The following AKAP6 variants were observed in gnomAD, a reference collection of about 807,000 sequenced individuals.
The protein encoded by AKAP6 is A-kinase anchoring protein 6, also known as A-kinase anchor protein 6.
In AKAP6, 58 loss-of-function variants were observed where a neutral mutation model predicts 188.5. The ratio of observed to expected loss-of-function variants is 0.31; its 90% CI spans 0.25 to 0.38. The LOEUF (loss-of-function observed/expected upper bound fraction) is 0.38, where lower values mean the gene tolerates loss of function less well. AKAP6 is among the 10% of genes least tolerant of loss of function. The pLI, the probability that AKAP6 is intolerant of heterozygous loss-of-function variation, is 1.00. For missense variants in AKAP6, 2,710 were observed against 2,740.0 expected (o/e 0.99, Z 0.24); for synonymous variants, 989 against 998.6 (o/e 0.99, Z 0.18).
Position 32,654,066 on chromosome 14 carries a change from C to G in AKAP6, c.2731-24245C>G, listed in dbSNP as rs150301182. Among the ~76,000 whole-genome samples, 1,033 of 152,280 alleles carry G rather than the reference C, an allele frequency of 6.8e-3. 13 individuals are homozygous for G. The highest frequency in any genetic ancestry group is 0.024 in the African/African-American group (991 of 41,560). ...TTAAACTCTTAACTAATTGCTCAAA[C>G]TTAAAGTCATTATTTCAGATCTTTA... On this transcript the variant is annotated intron_variant, in intron 7 of 13. Coordinates refer to ENST00000280979, the MANE Select transcript of AKAP6 (RefSeq NM_004274.5).
At chr14:32,527,847 AT>A (rs1882210074) in intron 2 of AKAP6, among the ~76,000 whole-genome samples, 1 of 152,144 alleles carries the variant, frequency 6.6e-6, no homozygotes, top group African/African-American at 2.4e-5. Flanking sequence ...TATATTTTGA[AT>A]AATGATCCTT....
chr14:32,471,442 C>A (rs535698978), intron 2 of AKAP6, among the ~76,000 whole-genome samples: 3 of 152,318 alleles, frequency 2.0e-5, no homozygotes, highest in South Asian at 2.1e-4. Flanking sequence ...AAAGCAAGAT[C>A]ATAGTGCTAC....
At chr14:32,577,999 G>A (rs1001821206) in intron 5 of AKAP6, among the ~76,000 whole-genome samples, 2 of 152,118 alleles carry the variant, frequency 1.3e-5, no homozygotes, top group Non-Finnish European at 2.9e-5. Flanking sequence ...CAAGCTGTAA[G>A]GATCTCATCT....
At chr14:32,615,557 C>T (rs1886537746) in intron 7 of AKAP6, among the ~76,000 whole-genome samples, 1 of 149,824 alleles carries the variant, frequency 6.7e-6, no homozygotes, top group Admixed American at 6.6e-5. Context: ...CACAATACTT[C>T]CTTTTACATG....
chr14:32,781,364 G>C (rs1395372316), intron 12 of AKAP6, among the ~76,000 whole-genome samples: 1 of 142,544 alleles, frequency 7.0e-6, no homozygotes. Flanking sequence ...AAAAAAAAAA[G>C]AGAATATGAA....
chr14:32,378,073 A>T (rs1232943588), intron 1 of AKAP6, among the ~76,000 whole-genome samples: 1 of 152,210 alleles, frequency 6.6e-6, no homozygotes, highest in Non-Finnish European at 1.5e-5. Context: ...ATACTAAAAG[A>T]ACATTATGCT....
intron 2 of AKAP6, among the ~76,000 whole-genome samples, chr14:32,488,909 T>C (rs1879848399): frequency 1.3e-5 from 2 of 152,212 alleles, no homozygotes; most frequent in Admixed American, 1.3e-4. Flanking sequence ...TCACCCGCCT[T>C]CTGCGTTGGT....
intron 7 of AKAP6, among the ~76,000 whole-genome samples, chr14:32,667,060 T>C (rs902087978): frequency 4.6e-5 from 7 of 152,128 alleles, no homozygotes; most frequent in Admixed American, 4.6e-4. Flanking sequence ...TTTCAGAAAA[T>C]GCATGGAGAA....
At chr14:32,587,880 T>C (rs2139307686) in intron 5 of AKAP6, among the ~76,000 whole-genome samples, 1 of 152,210 alleles carries the variant, frequency 6.6e-6, no homozygotes, top group Non-Finnish European at 1.5e-5. Flanking sequence ...TGAAACCAGG[T>C]AACGTGATAT....
chr14:32,460,502 C>A (rs1891286283), intron 2 of AKAP6, among the ~76,000 whole-genome samples: 1 of 152,178 alleles, frequency 6.6e-6, no homozygotes, highest in African/African-American at 2.4e-5. Context: ...CTCCCTCCCC[C>A]AGCCAAGAGA....
intron 2 of AKAP6, among the ~76,000 whole-genome samples, chr14:32,515,141 C>T (rs1881453561): frequency 6.6e-6 from 1 of 152,078 alleles, no homozygotes; most frequent in African/African-American, 2.4e-5. Flanking sequence ...TGGCAGAAGG[C>T]AAAGGAGAAA....
In AKAP6 at chr14:32,599,583, G is replaced by A; in HGVS notation, c.2566+77G>A. Reference sequence around the variant, plus strand: ...TGAAGAAGCATTGCTGTAAATTACTGCATATATTCACTTCCTTATGTATTA... The same window carrying A: ...TGAAGAAGCATTGCTGTAAATTACTACATATATTCACTTCCTTATGTATTA... On this transcript the variant is annotated intron_variant, in intron 6 of 13. Transcript: ENST00000280979. 2.7e-6 allele frequency: 3 copies of A among 1,100,284 alleles called. No homozygotes were observed. In the South Asian group the frequency reaches 4.3e-5, roughly 16 times the overall value. 68.2% of individuals were successfully genotyped at this position (1,100,284 alleles called of 1,614,324 possible).
Position 32,786,296 on chromosome 14 carries a change from A to ATGTTTTTTTTGTTTTTTTTTTTTTTT in AKAP6, c.3588+12404_3588+12405insGTTTTTTTTGTTTTTTTTTTTTTTTT. ...AGCCCTCTGAAAGACCTAAACCTTT[A>ATGTTTTTTTTGTTTTTTTTTTTTTTT]TCTTTTTTTTTTTTTTTTTTTTTTT... On this transcript the variant is annotated intron_variant, in intron 12 of 13. Coordinates refer to ENST00000280979, the MANE Select transcript of AKAP6 (RefSeq NM_004274.5). Among the ~76,000 whole-genome samples the ATGTTTTTTTTGTTTTTTTTTTTTTTT allele has an allele frequency of 4.3e-5, 4 of 93,706 alleles. 1 individual carries two copies. The highest frequency in any genetic ancestry group is 4.1e-5 in the Non-Finnish European group (2 of 48,582). The allele number at this position is 93,706 out of a possible 152,430, so 61.5% of individuals were successfully genotyped here. A position where few individuals can be genotyped will look rare whatever the true frequency, so the allele number is the denominator to read the frequency against.
chr14:32,638,550 T>G (rs1887616091), intron 7 of AKAP6, among the ~76,000 whole-genome samples: 2 of 152,278 alleles, frequency 1.3e-5, no homozygotes, highest in East Asian at 3.9e-4. Flanking sequence ...AAATTGTTTT[T>G]GTTAAATAAC....
intron 11 of AKAP6, among the ~76,000 whole-genome samples, chr14:32,738,038 A>T (rs1348799378): frequency 1.3e-5 from 2 of 152,158 alleles, no homozygotes; most frequent in African/African-American, 4.8e-5. Flanking sequence ...ACTCAGCAAG[A>T]GGGAAGAAAC....
At chr14:32,413,772 A>G (rs1197914793) in intron 1 of AKAP6, among the ~76,000 whole-genome samples, 1 of 152,112 alleles carries the variant, frequency 6.6e-6, no homozygotes, top group Non-Finnish European at 1.5e-5. Flanking sequence ...TCCTTGTCAC[A>G]GTTTGAAGTT....
At chr14:32,769,049 T>TTTTC (rs2032811718) in intron 11 of AKAP6, among the ~76,000 whole-genome samples, 1 of 112,986 alleles carries the variant, frequency 8.9e-6, no homozygotes, top group South Asian at 3.3e-4. Flanking sequence ...TTTTTTTTTT[T>TTTTC]TTTTTTTTTT....
chr14:32,378,183 C>T (rs150565421), intron 1 of AKAP6, among the ~76,000 whole-genome samples: 13 of 55,828 alleles, frequency 2.3e-4, no homozygotes, highest in Admixed American at 1.3e-3. Context: ...GTCATGGCTG[C>T]CATATTATAT....
chr14:32,809,779 A>G (rs2140111555), intron 12 of AKAP6, among the ~76,000 whole-genome samples: 1 of 152,328 alleles, frequency 6.6e-6, no homozygotes, highest in African/African-American at 2.4e-5. Flanking sequence ...GCAGGTAAAC[A>G]TAAGGGATCT....
Sources: gnomAD v4.1 joint callset for allele counts (sites outside exome capture counted in the v4.1 genomes callset) on GRCh38, gnomAD v4.1.1 for gene constraint, MANE v1.5 for transcripts, NCBI Gene and HGNC (gene_info 2026-07-23, HGNC 2026-07-21) for gene names.